FAM3B: variants seen among roughly 807,000 people sequenced by gnomAD.
FAM3B encodes protein FAM3B.
A neutral mutation model predicts 28.4 loss-of-function variants in FAM3B; 29 were observed. The observed-to-expected ratio is 1.02, with a 90% CI of 0.76 to 1.39. FAM3B has a LOEUF of 1.39. Ranked by LOEUF, FAM3B falls within the 40% of genes most tolerant of loss-of-function variation. The probability of loss-of-function intolerance (pLI) is 0.00; values close to 1 mark genes in which losing one functional copy is unlikely to be tolerated. For synonymous variants in FAM3B, 91 were observed against 103.0 expected, an observed-to-expected ratio of 0.88 and a Z score of 0.71; for missense variants, 266 against 293.9, an observed-to-expected ratio of 0.91 and a Z score of 0.69.
intron 7 of FAM3B, among the ~76,000 whole-genome samples, chr21:41,354,671 G>C (rs921172741): frequency 1.4e-4 from 21 of 152,188 alleles, no homozygotes; most frequent in Admixed American, 6.5e-5. Flanking sequence ...ACACAATAGA[G>C]GGGCCTATTG....
At position 41,347,151 on chromosome 21, in the gene FAM3B, G is replaced by A. The variant is rs185024705; in HGVS notation, c.485+51G>A. ...CGGTGGGCAAGAGAAGCCAGCTGGG[G>A]CAGAGGCTGCCAGGGTCTCTCAGTG... On this transcript the variant is annotated intron_variant, in intron 6 of 7. Transcript: ENST00000357985. 10,941 of 1,517,192 alleles carry A rather than the reference G, an allele frequency of 7.2e-3. 223 individuals carry two copies. The highest frequency in any genetic ancestry group is 0.063 in the Middle Eastern group (371 of 5,884). 94.0% of individuals were successfully genotyped at this position (1,517,192 alleles called of 1,614,324 possible).
At chr21:41,328,054 C>T (rs187066992) in intron 2 of FAM3B, among the ~76,000 whole-genome samples, 86 of 152,282 alleles carry the variant, frequency 5.6e-4, no homozygotes, top group Middle Eastern at 3.4e-3. Flanking sequence ...AGACACAATT[C>T]ATAAGTTTCT....
intron 1 of FAM3B, 86 bp from the exon 2 acceptor site, chr21:41,322,837 G>A (rs749436685): frequency 1.2e-6 from 2 of 1,608,944 alleles, no homozygotes; most frequent in Non-Finnish European, 1.7e-6. Context: ...GGGCCGGGAT[G>A]AAAAGCCACA....
At chr21:41,315,902 C>T (rs1276994417), upstream of FAM3B, among the ~76,000 whole-genome samples, 3 of 152,124 alleles carry the variant, frequency 2.0e-5, no homozygotes, top group African/African-American at 7.2e-5. Context: ...AGAGCAGAGG[C>T]CGGAGCAGAG....
chr21:41,310,076 C>T (rs1272946323), intron 1 of FAM3B, among the ~76,000 whole-genome samples: 1 of 152,174 alleles, frequency 6.6e-6, no homozygotes, highest in African/African-American at 2.4e-5. Flanking sequence ...AGCTATGATT[C>T]AGGAAGGAGG....
Position 41,357,686 on chromosome 21 carries a change from G to A in FAM3B, c.*489G>A, listed in dbSNP as rs116810029. The stretch of plus-strand genomic sequence containing the variant: ...CAACTTGAGCTCTTGAACTCCTCCT[G>A]TGGGCCTGTGAATGTATTCATTCAT... On this transcript the variant is annotated 3_prime_UTR_variant, in exon 8 of 8. Transcript: ENST00000357985. 6.3e-3 allele frequency among the ~76,000 whole-genome samples: 961 copies of A among 152,282 alleles called. 11 individuals are homozygous for A. The highest frequency in any genetic ancestry group is 0.022 in the African/African-American group (906 of 41,536).
intron 7 of FAM3B, among the ~76,000 whole-genome samples, chr21:41,354,352 T>C (rs572086855): frequency 6.6e-6 from 1 of 152,338 alleles, no homozygotes; most frequent in African/African-American, 2.4e-5. Flanking sequence ...GGAATAGAAA[T>C]TGTTATATTA....
intron 6 of FAM3B, among the ~76,000 whole-genome samples, chr21:41,348,067 T>G (rs1021860743): frequency 6.6e-6 from 1 of 152,224 alleles, no homozygotes; most frequent in Non-Finnish European, 1.5e-5. Flanking sequence ...CAATCTAAAC[T>G]TAACTGTTTA....
chr21:41,334,901 G>T (rs1307674938), intron 2 of FAM3B, among the ~76,000 whole-genome samples: 1 of 152,228 alleles, frequency 6.6e-6, no homozygotes, highest in Non-Finnish European at 1.5e-5. Flanking sequence ...GCTGCCCAAG[G>T]CCTTGAGAGT....
chr21:41,332,751 A>G (rs2088917812), intron 2 of FAM3B, among the ~76,000 whole-genome samples: 1 of 152,290 alleles, frequency 6.6e-6, no homozygotes, highest in South Asian at 2.1e-4. Context: ...ATAGTCTCTT[A>G]CGATACTTCA....
intron 1 of FAM3B, among the ~76,000 whole-genome samples, chr21:41,310,126 A>G (rs9980207): frequency 0.36 from 55,011 of 152,016 alleles, 10,415 homozygotes; most frequent in East Asian, 0.67. Context: ...CTCAGCCTCA[A>G]CATCTTCCTT....
chr21:41,322,818 C>G, intron 1 of FAM3B, 105 bp from the exon 2 acceptor site: 1 of 1,582,164 alleles, frequency 6.3e-7, no homozygotes, highest in Non-Finnish European at 8.7e-7. Context: ...AGCGCAGTCC[C>G]CTGACACTGG....
intron 1 of FAM3B, among the ~76,000 whole-genome samples, chr21:41,322,008 A>T (rs118151124): frequency 0.011 from 1,598 of 151,658 alleles, 7 homozygotes; most frequent in Non-Finnish European, 0.017. Context: ...TGTCCCTATT[A>T]GCACATATTT....
chr21:41,305,230 A>C (rs775168134), intron 1 of FAM3B, among the ~76,000 whole-genome samples: 1 of 152,132 alleles, frequency 6.6e-6, no homozygotes, highest in Non-Finnish European at 1.5e-5. Context: ...ATAGAAAAGA[A>C]AGTGGGGTTG....
At chr21:41,317,329 C>T (rs2088759211) in intron 1 of FAM3B, among the ~76,000 whole-genome samples, 1 of 151,708 alleles carries the variant, frequency 6.6e-6, no homozygotes, top group Non-Finnish European at 1.5e-5. Context: ...TGACCTTGCA[C>T]GCCAGGGAGG....
Position 41,347,094 on chromosome 21 carries a change from G to A in FAM3B, c.479G>A (p.Ser160Asn). ...TTCATGGTGACCTATGACGACGGAA[G>A]CACAAGGTGAGTGGGTGTAGGTCTG... Reference protein sequence around the residue: ...LLFMVTYDDGSTRLNNDAKNA... With the variant: ...LLFMVTYDDGNTRLNNDAKNA... The change falls in exon 6 of 8, where the codon AGC (serine) becomes AAC (asparagine). Residue 160 changes from serine to asparagine, a missense_variant. Transcript: ENST00000357985. The A allele has an allele frequency of 6.2e-7, 1 of 1,614,136 alleles. No individual in the cohort carries two copies. Among genetic ancestry groups the A allele is most frequent in the Non-Finnish European group, 8.5e-7 (1 of 1,179,984 alleles).
rs557974769 is a variant in FAM3B at position 41,326,419 on chromosome 21, T to A, written c.163+3353T>A. On this transcript the variant is annotated intron_variant, in intron 2 of 7. Transcript: ENST00000357985. This position sits in a 1 kb window ranked among gnomAD's most constrained non-coding sequence, Gnocchi z 4.0. ...CCCTGTGAGGAAACACAAATGCCCA[T>A]CTGTGTGTCACCCATAGTCACTAAA... 1.3e-5 allele frequency among the ~76,000 whole-genome samples: 2 copies of A among 152,322 alleles called. No individual in the cohort carries two copies. Among genetic ancestry groups the A allele is most frequent in the East Asian group, 3.9e-4 (2 of 5,178 alleles).
At chr21:41,314,680 A>T (rs982472269), upstream of FAM3B, among the ~76,000 whole-genome samples, 1 of 152,160 alleles carries the variant, frequency 6.6e-6, no homozygotes, top group African/African-American at 2.4e-5. Context: ...GTGAAAAGAT[A>T]CTCAACACTA....
At chr21:41,340,152 CTTTT>C (rs954999865) in intron 3 of FAM3B, among the ~76,000 whole-genome samples, 1 of 127,156 alleles carries the variant, frequency 7.9e-6, no homozygotes, top group Non-Finnish European at 1.7e-5. Context: ...CTGAAGTTGT[CTTTT>C]TTTTTTTTTT....
Sources: gnomAD v4.1 joint callset for allele counts (sites outside exome capture counted in the v4.1 genomes callset) on GRCh38, gnomAD v4.1.1 for gene constraint, Gnocchi (gnomAD v3.1) non-coding constraint, MANE v1.5 for transcripts, NCBI Gene and HGNC (gene_info 2026-07-23, HGNC 2026-07-21) for gene names.